Variants in TP53INP2 observed in about 807,000 individuals in gnomAD.
TP53INP2 encodes tumor protein p53 inducible nuclear protein 2.
Under a neutral mutation model 17.1 loss-of-function variants are expected in TP53INP2, and 12 were observed. The ratio of observed to expected loss-of-function variants is 0.70; its 90% CI spans 0.45 to 1.14. The LOEUF (loss-of-function observed/expected upper bound fraction) is 1.14. TP53INP2 is among the 50% of genes most tolerant of loss of function. The pLI is 0.00. For missense variants in TP53INP2, 342 were observed against 330.9 expected (o/e 1.03, Z -0.26); for synonymous variants, 145 against 147.3 (o/e 0.98, Z 0.12).
In TP53INP2 at chr20:34,705,884, C is replaced by T. The variant is rs1400173042; in HGVS notation, c.-50+410C>T. 3.3e-5 allele frequency among the ~76,000 whole-genome samples: 5 copies of T among 152,122 alleles called. No individual in the cohort carries two copies. In the East Asian group the frequency reaches 5.8e-4, roughly 18 times the overall value. ...GGGAATGTGAGAACCAGGAAGCTGGCAGGGCTGGGAAAGGAAATCTGGGAG... is the reference window on the plus strand; with the variant it reads ...GGGAATGTGAGAACCAGGAAGCTGGTAGGGCTGGGAAAGGAAATCTGGGAG... On this transcript the variant is annotated intron_variant, in intron 2 of 4. Transcript: ENST00000374810.
intron 1 of TP53INP2, among the ~76,000 whole-genome samples, chr20:34,705,016 G>A (rs1027056542): frequency 1.3e-5 from 2 of 152,136 alleles, no homozygotes; most frequent in South Asian, 4.1e-4. Flanking sequence ...TCCAGACTCC[G>A]CCCCCAGGGA....
chr20:34,709,333 C>T lies in TP53INP2; in HGVS notation c.222C>T (p.Thr74=), dbSNP rs745882143. The T allele has an allele frequency of 3.1e-6, 5 of 1,613,492 alleles. No homozygotes were observed. In the Admixed American group the frequency reaches 6.7e-5, roughly 22 times the overall value. ...PSLMDESWFV[T]PPACFTAEGP... ...TGATGGACGAGAGCTGGTTTGTTAC[C>T]CCTCCCGCCTGTTTTACGGCAGAGG... is the stretch of plus-strand genomic sequence containing the variant. Residue 74 remains threonine (T), a synonymous_variant, in exon 4 of 5, where the codon ACC becomes ACT. Transcript: ENST00000374810. The surrounding 1 kb of genome is among the most constrained non-coding windows in gnomAD (Gnocchi z 5.4).
rs1988097162 is a variant in TP53INP2 at position 34,709,363 on chromosome 20, T to C, written c.252T>C (p.Pro84=). Reference sequence around the variant, plus strand: ...CCGCCTGTTTTACGGCAGAGGGGCCTGGACTCGGTCCCGCCCGCCTCCAGA... The same window carrying C: ...CCGCCTGTTTTACGGCAGAGGGGCCCGGACTCGGTCCCGCCCGCCTCCAGA... ...TPPACFTAEG[P]GLGPARLQSS... is the part of the protein sequence containing the mutation. The change falls in exon 4 of 5, where the codon CCT becomes CCC. Residue 84 remains proline (P), a synonymous_variant. Coordinates refer to ENST00000374810, the MANE Select transcript of TP53INP2 (RefSeq NM_021202.3). This position sits in a 1 kb window ranked among gnomAD's most constrained non-coding sequence, Gnocchi z 5.4. The C allele has an allele frequency of 1.2e-6, 2 of 1,613,646 alleles. No homozygotes were observed. Among genetic ancestry groups the C allele is most frequent in the Admixed American group, 1.7e-5 (1 of 60,026 alleles).
chr20:34,710,230 C>G lies in TP53INP2; in HGVS notation c.586C>G (p.Arg196Gly). The G allele has an allele frequency of 6.7e-7, 1 of 1,488,370 alleles. No individual in the cohort carries two copies. Among genetic ancestry groups the G allele is most frequent in the African/African-American group, 1.4e-5 (1 of 70,218 alleles). The allele number at this position is 1,488,370 out of a possible 1,614,324, so 92.2% of individuals were successfully genotyped here. A position where few individuals can be genotyped will look rare whatever the true frequency, so the allele number is the denominator to read the frequency against. Residue 196 changes from arginine (R) to glycine (G), a missense_variant, in exon 5 of 5, where the codon CGC (arginine) becomes GGC (glycine). Coordinates refer to ENST00000374810, the MANE Select transcript of TP53INP2 (RefSeq NM_021202.3). This position sits in a 1 kb window ranked among gnomAD's most constrained non-coding sequence, Gnocchi z 4.9. ...AKAVQRQNRARESRPRRSKNQ... is the reference protein window; with the variant it reads ...AKAVQRQNRAGESRPRRSKNQ... ...GGCGGTGCAGCGGCAGAACCGAGCC[C>G]GCGAGAGCCGTCCGCGCCGGTCCAA...
In TP53INP2 at chr20:34,709,095, C is replaced by T. The variant is rs1026743496; in HGVS notation, c.125-141C>T. The stretch of plus-strand genomic sequence containing the variant: ...CGAGACGCCTGGCCCGTGGGTGCCC[C>T]GGGGCGCTGCGGACGGGCTGCGGGT... On this transcript the variant is annotated intron_variant, in intron 3 of 4. Coordinates refer to ENST00000374810, the MANE Select transcript of TP53INP2 (RefSeq NM_021202.3). The surrounding 1 kb of genome is among the most constrained non-coding windows in gnomAD (Gnocchi z 5.4). 4.9e-6 allele frequency: 7 copies of T among 1,434,248 alleles called. No homozygotes were observed. Among genetic ancestry groups the T allele is most frequent in the Non-Finnish European group, 6.4e-6 (7 of 1,096,656 alleles). 88.8% of individuals were successfully genotyped at this position (1,434,248 alleles called of 1,614,324 possible). A position where few individuals can be genotyped will look rare whatever the true frequency, so the allele number is the denominator to read the frequency against.
chr20:34,710,053 C>T lies in TP53INP2; in HGVS notation c.414-5C>T. 4.6e-6 allele frequency: 6 copies of T among 1,291,444 alleles called. No individual in the cohort carries two copies. Among genetic ancestry groups the T allele is most frequent in the Non-Finnish European group, 5.9e-6 (6 of 1,022,908 alleles). 80.0% of individuals were successfully genotyped at this position (1,291,444 alleles called of 1,614,324 possible). A position where few individuals can be genotyped will look rare whatever the true frequency, so the allele number is the denominator to read the frequency against. On this transcript the variant is annotated splice_polypyrimidine_tract_variant and splice_region_variant and intron_variant, in intron 4 of 4. Transcript: ENST00000374810. This position sits in a 1 kb window ranked among gnomAD's most constrained non-coding sequence, Gnocchi z 4.9. ...GCTTGACCGAGCCTGGCTCTGTCCTCACAGGGAATTGACGCCCGCCCGCCG... is the reference window on the plus strand; with the variant it reads ...GCTTGACCGAGCCTGGCTCTGTCCTTACAGGGAATTGACGCCCGCCCGCCG...
rs1229009344 is a variant in TP53INP2 at position 34,711,987 on chromosome 20, C to A, written c.*1680C>A. The stretch of plus-strand genomic sequence containing the variant: ...CAGCTGCCCTCCCTGACCCTATAGC[C>A]CCAGGCCTCATGGGGGGTATGTGGG... On this transcript the variant is annotated 3_prime_UTR_variant, in exon 5 of 5. Coordinates refer to ENST00000374810, the MANE Select transcript of TP53INP2 (RefSeq NM_021202.3). The surrounding 1 kb of genome is among the most constrained non-coding windows in gnomAD (Gnocchi z 4.1). 1 of 152,616 alleles carries A rather than the reference C, an allele frequency of 6.6e-6. No individual in the cohort carries two copies. The highest frequency in any genetic ancestry group is 1.5e-5 in the Non-Finnish European group (1 of 68,152). 9.5% of individuals were successfully genotyped at this position (152,616 alleles called of 1,614,324 possible). A position where few individuals can be genotyped will look rare whatever the true frequency, so the allele number is the denominator to read the frequency against.
chr20:34,710,162 A>C lies in TP53INP2; in HGVS notation c.518A>C (p.Gln173Pro), dbSNP rs1223879477. ...LEKAGQVRRL[Q>P]RARQRAERHA... is the part of the protein sequence containing the mutation. ...AAGGCGGGCCAGGTGCGGCGGCTGC[A>C]GCGGGCCCGGCAGCGGGCAGAGCGC... The change falls in exon 5 of 5, where the codon CAG becomes CCG. Residue 173 changes from glutamine to proline, a missense_variant. By Grantham distance (76) the Gln-to-Pro change is moderately conservative (BLOSUM62 -1). Transcript: ENST00000374810. This position sits in a 1 kb window ranked among gnomAD's most constrained non-coding sequence, Gnocchi z 4.9. 7.7e-7 allele frequency: 1 copy of C among 1,293,762 alleles called. No homozygotes were observed. Among genetic ancestry groups the C allele is most frequent in the Admixed American group, 3.7e-5 (1 of 27,056 alleles). The allele number at this position is 1,293,762 out of a possible 1,614,324, so 80.1% of individuals were successfully genotyped here.
rs376690394 is a variant in TP53INP2 at position 34,708,760 on chromosome 20, C to A, written c.21C>A (p.Ser7Arg). MFQRLS[S>R]LFFSTPSPPE... ...CCACCATGTTCCAGCGCCTCTCCAG[C>A]CTCTTCTTCAGCACCCCCTCGCCCC... Residue 7 changes from serine (S) to arginine (R), a missense_variant, in exon 3 of 5, where the codon AGC (serine) becomes AGA (arginine). Physicochemically the swap from Ser to Arg is moderately radical, Grantham distance 110. Coordinates refer to ENST00000374810, the MANE Select transcript of TP53INP2 (RefSeq NM_021202.3). 4 of 1,588,652 alleles carry A rather than the reference C, an allele frequency of 2.5e-6. No homozygotes were observed. The highest frequency in any genetic ancestry group is 2.6e-6 in the Non-Finnish European group (3 of 1,167,608).
rs1293733786 is a variant in TP53INP2 at position 34,709,759 on chromosome 20, G to A, written c.413+235G>A. ...TTGAGAGGGAGGGGCGTGGCCAAGAGGCTGGGGCCGGGGTTGGAGGCTTGA... is the reference window on the plus strand; with the variant it reads ...TTGAGAGGGAGGGGCGTGGCCAAGAAGCTGGGGCCGGGGTTGGAGGCTTGA... On this transcript the variant is annotated intron_variant, in intron 4 of 4. Transcript: ENST00000374810. This position sits in a 1 kb window ranked among gnomAD's most constrained non-coding sequence, Gnocchi z 5.4. Among the ~76,000 whole-genome samples the A allele has an allele frequency of 6.6e-6, 1 of 151,778 alleles. No homozygotes were observed. The highest frequency in any genetic ancestry group is 6.5e-5 in the Admixed American group (1 of 15,274).
Position 34,710,530 on chromosome 20 carries a change from A to G in TP53INP2, c.*223A>G. On this transcript the variant is annotated 3_prime_UTR_variant, in exon 5 of 5. Coordinates refer to ENST00000374810, the MANE Select transcript of TP53INP2 (RefSeq NM_021202.3). This position sits in a 1 kb window ranked among gnomAD's most constrained non-coding sequence, Gnocchi z 4.9. The stretch of plus-strand genomic sequence containing the variant: ...CTCCTGGTCCCCATACCCAGCATCT[A>G]ATCATCCATGCCCCCTACTCCTGGC... The G allele has an allele frequency of 4.8e-6, 2 of 412,452 alleles. No individual in the cohort carries two copies. The highest frequency in any genetic ancestry group is 8.2e-6 in the Non-Finnish European group (2 of 244,446). 25.5% of individuals were successfully genotyped at this position (412,452 alleles called of 1,614,324 possible). A position where few individuals can be genotyped will look rare whatever the true frequency, so the allele number is the denominator to read the frequency against.
In TP53INP2 at chr20:34,709,635, G is replaced by A; in HGVS notation, c.413+111G>A. ...GCCAGGAGCCCGCCCCGCGCTCGAG[G>A]GGGTAGCGGCCTTGGGAGGGTTGCC... is the stretch of plus-strand genomic sequence containing the variant. On this transcript the variant is annotated intron_variant, in intron 4 of 4. Coordinates refer to ENST00000374810, the MANE Select transcript of TP53INP2 (RefSeq NM_021202.3). This position sits in a 1 kb window ranked among gnomAD's most constrained non-coding sequence, Gnocchi z 5.4. 5.5e-6 allele frequency: 8 copies of A among 1,447,692 alleles called. No homozygotes were observed. Among genetic ancestry groups the A allele is most frequent in the African/African-American group, 2.9e-5 (2 of 69,964 alleles). The allele number at this position is 1,447,692 out of a possible 1,614,324, so 89.7% of individuals were successfully genotyped here. A position where few individuals can be genotyped will look rare whatever the true frequency, so the allele number is the denominator to read the frequency against.
Position 34,710,285 on chromosome 20 carries a change from G to A in TP53INP2, c.641G>A (p.Cys214Tyr). The A allele has an allele frequency of 7.1e-7, 1 of 1,414,448 alleles. No homozygotes were observed. Among genetic ancestry groups the A allele is most frequent in the Non-Finnish European group, 9.3e-7 (1 of 1,072,788 alleles). The allele number at this position is 1,414,448 out of a possible 1,614,324, so 87.6% of individuals were successfully genotyped here. ...KNQSSFIYQPCQRQFNY is the reference protein window; with the variant it reads ...KNQSSFIYQPYQRQFNY Reference sequence around the variant, plus strand: ...CAGAGCAGCTTCATCTACCAGCCGTGCCAGCGCCAGTTCAACTACTGAGCG... The same window carrying A: ...CAGAGCAGCTTCATCTACCAGCCGTACCAGCGCCAGTTCAACTACTGAGCG... Residue 214 changes from cysteine to tyrosine, a missense_variant, in exon 5 of 5, where the codon TGC becomes TAC. By Grantham distance (194) the Cys-to-Tyr change is radical. Transcript: ENST00000374810. This position sits in a 1 kb window ranked among gnomAD's most constrained non-coding sequence, Gnocchi z 4.9.
Position 34,709,109 on chromosome 20 carries a change from C to T in TP53INP2, c.125-127C>T. ...CGTGGGTGCCCCGGGGCGCTGCGGA[C>T]GGGCTGCGGGTCTGACTAACGATGC... On this transcript the variant is annotated intron_variant, in intron 3 of 4. Coordinates refer to ENST00000374810, the MANE Select transcript of TP53INP2 (RefSeq NM_021202.3). This position sits in a 1 kb window ranked among gnomAD's most constrained non-coding sequence, Gnocchi z 5.4. The T allele has an allele frequency of 8.3e-6, 12 of 1,438,512 alleles. No homozygotes were observed. Among genetic ancestry groups the T allele is most frequent in the Non-Finnish European group, 1.1e-5 (12 of 1,099,902 alleles). The allele number at this position is 1,438,512 out of a possible 1,614,324, so 89.1% of individuals were successfully genotyped here. A position where few individuals can be genotyped will look rare whatever the true frequency, so the allele number is the denominator to read the frequency against.
In TP53INP2 at chr20:34,710,664, C is replaced by T; in HGVS notation, c.*357C>T. 1 of 202,602 alleles carries T rather than the reference C, an allele frequency of 4.9e-6. No homozygotes were observed. The allele number at this position is 202,602 out of a possible 1,614,324, so 12.6% of individuals were successfully genotyped here. On this transcript the variant is annotated 3_prime_UTR_variant, in exon 5 of 5. Coordinates refer to ENST00000374810, the MANE Select transcript of TP53INP2 (RefSeq NM_021202.3). The surrounding 1 kb of genome is among the most constrained non-coding windows in gnomAD (Gnocchi z 4.9). ...TATTTCTGAAAGCTTCTTCCAGTCC[C>T]TGATCTGGCTCATTCCCCACCTTCA...
chr20:34,706,214 G>T (rs568454865), intron 2 of TP53INP2, among the ~76,000 whole-genome samples: 12 of 152,212 alleles, frequency 7.9e-5, no homozygotes, highest in African/African-American at 2.9e-4. Flanking sequence ...GTATTCTTGG[G>T]GATTGTTTGC....
intron 2 of TP53INP2, among the ~76,000 whole-genome samples, chr20:34,707,868 G>T (rs184134319): frequency 6.6e-6 from 1 of 152,132 alleles, no homozygotes. Flanking sequence ...CACCTCGCAG[G>T]TTCCAGTGAT....
Position 34,710,004 on chromosome 20 carries a change from T to TGGGGG in TP53INP2, c.414-54_414-53insGGGGG. ...AAGGGTGGGAGATGGCAGCGCCCTC[T>TGGGGG]AGACCCCCCGCCCAGCTTACCCGGC... is the stretch of plus-strand genomic sequence containing the variant. On this transcript the variant is annotated intron_variant, in intron 4 of 4. Coordinates refer to ENST00000374810, the MANE Select transcript of TP53INP2 (RefSeq NM_021202.3). This position sits in a 1 kb window ranked among gnomAD's most constrained non-coding sequence, Gnocchi z 4.9. 1 of 497,152 alleles carries TGGGGG rather than the reference T, an allele frequency of 2.0e-6. No homozygotes were observed. The highest frequency in any genetic ancestry group is 2.7e-6 in the Non-Finnish European group (1 of 376,024). The allele number at this position is 497,152 out of a possible 1,614,324, so 30.8% of individuals were successfully genotyped here.
At chr20:34,704,634 T>C (rs1987965035) in intron 1 of TP53INP2, 122 bp downstream of exon 1, 1 of 152,182 alleles carries the variant, frequency 6.6e-6, no homozygotes, top group East Asian at 1.9e-4. Flanking sequence ...CGGCTCCCGA[T>C]TGGTTGCCGC....
Sources: gnomAD v4.1 joint callset for allele counts (sites outside exome capture counted in the v4.1 genomes callset) on GRCh38, gnomAD v4.1.1 for gene constraint, Gnocchi (gnomAD v3.1) non-coding constraint, MANE v1.5 for transcripts, NCBI Gene and HGNC (gene_info 2026-07-23, HGNC 2026-07-21) for gene names.